TRIO: variants seen among roughly 807,000 people sequenced by gnomAD.
TRIO encodes triple functional domain protein.
TRIO carries 58 observed loss-of-function variants against 351.9 expected under a neutral mutation model. The observed-to-expected ratio is 0.16, with a 90% CI of 0.13 to 0.21. The LOEUF (loss-of-function observed/expected upper bound fraction) is 0.21. Among genes scored for constraint, TRIO ranks in the 10% least tolerant of loss-of-function variants. TRIO has a pLI of 1.00. For synonymous variants in TRIO, 1,758 were observed against 1,595.7 expected (o/e 1.10, Z -2.42); for missense variants, 3,201 against 4,027.8 (o/e 0.79, Z 5.56).
rs924226405 is a variant in TRIO, at chr5:14,293,128, C to T, written c.1170C>T (p.Asn390=). 1 of 1,614,128 alleles carries T rather than the reference C, an allele frequency of 6.2e-7. No individual in the cohort carries two copies. Among genetic ancestry groups the T allele is most frequent in the South Asian group, 1.1e-5 (1 of 91,082 alleles). Residue 390 remains asparagine (N), a synonymous_variant, in exon 6 of 57, where the codon AAC becomes AAT. Transcript: ENST00000344204. ...LQTQHNHFAM[N]CMNVYVNINR... ...CGCAGCACAATCACTTTGCCATGAACTGTATGGTAAGACACTCGGAACAGC... is the reference window on the plus strand; with the variant it reads ...CGCAGCACAATCACTTTGCCATGAATTGTATGGTAAGACACTCGGAACAGC...
chr5:14,488,909 G>T (rs775533896), intron 48 of TRIO: 2 of 757,848 alleles, frequency 2.6e-6, no homozygotes, highest in South Asian at 2.7e-5. Context: ...CCTGCGGCCT[G>T]CTGGGCTCTG....
chr5:14,244,329 G>T (rs1794312747), intron 1 of TRIO, among the ~76,000 whole-genome samples: 1 of 152,186 alleles, frequency 6.6e-6, no homozygotes, highest in South Asian at 2.1e-4. Flanking sequence ...ATTTCTGAAT[G>T]ATGGTTTGGC....
intron 11 of TRIO, among the ~76,000 whole-genome samples, chr5:14,348,798 G>A (rs1255845153): frequency 6.7e-6 from 1 of 148,832 alleles, no homozygotes; most frequent in African/African-American, 2.5e-5. Context: ...GTGTGTGTAC[G>A]CACGTGAGCA....
chr5:14,263,606 A>G (rs1055091153), intron 1 of TRIO, among the ~76,000 whole-genome samples: 1 of 152,218 alleles, frequency 6.6e-6, no homozygotes, highest in Non-Finnish European at 1.5e-5. Flanking sequence ...ACCACTTGAT[A>G]TGATGATCAA....
At chr5:14,210,884 C>T (rs1353496211) in intron 1 of TRIO, among the ~76,000 whole-genome samples, 4 of 152,046 alleles carry the variant, frequency 2.6e-5, no homozygotes, top group African/African-American at 9.7e-5. Flanking sequence ...TCTTGTCCTA[C>T]CCTCCACTCC....
At chr5:14,241,360 G>A (rs1317383452) in intron 1 of TRIO, among the ~76,000 whole-genome samples, 1 of 152,166 alleles carries the variant, frequency 6.6e-6, no homozygotes, top group Admixed American at 6.5e-5. Flanking sequence ...TATGGGTTAG[G>A]CAGAAGCTTC....
intron 1 of TRIO, among the ~76,000 whole-genome samples, chr5:14,258,481 A>G (rs1002911738): frequency 6.6e-6 from 1 of 152,194 alleles, no homozygotes; most frequent in Admixed American, 6.5e-5. Flanking sequence ...TTTTTAGTAG[A>G]TAAGATACTG....
intron 1 of TRIO, among the ~76,000 whole-genome samples, chr5:14,203,538 C>G (rs934806037): frequency 3.9e-5 from 6 of 152,158 alleles, no homozygotes; most frequent in African/African-American, 1.2e-4. Flanking sequence ...AGACAGAGAT[C>G]TTATGTTCAC....
intron 2 of TRIO, among the ~76,000 whole-genome samples, chr5:14,274,134 T>A (rs150795892): frequency 5.9e-5 from 9 of 152,210 alleles, no homozygotes; most frequent in Non-Finnish European, 1.0e-4. Flanking sequence ...AAAAACCCGA[T>A]AGGTATTCAA....
Position 14,504,502 on chromosome 5 carries a change from C to A in TRIO, c.8521C>A (p.Leu2841Ile). 1 of 1,614,170 alleles carries A rather than the reference C, an allele frequency of 6.2e-7. No individual in the cohort carries two copies. Among genetic ancestry groups the A allele is most frequent in the Non-Finnish European group, 8.5e-7 (1 of 1,180,030 alleles). ...GAAGCGCGACCAGGTCACCCATGAGCTTGGCATCCTGCAGAGCCTCCAGCA... is the reference window on the plus strand; with the variant it reads ...GAAGCGCGACCAGGTCACCCATGAGATTGGCATCCTGCAGAGCCTCCAGCA... ...LMKRDQVTHE[L>I]GILQSLQHPL... Residue 2841 changes from leucine (L) to isoleucine (I), a missense_variant, in exon 55 of 57, where the codon CTT (leucine) becomes ATT (isoleucine). By Grantham distance (5) the Leu-to-Ile change is conservative. Transcript: ENST00000344204.
intron 1 of TRIO, among the ~76,000 whole-genome samples, chr5:14,179,422 TA>T (rs1789612694): frequency 1.3e-5 from 2 of 152,110 alleles, no homozygotes; most frequent in Non-Finnish European, 2.9e-5. Flanking sequence ...TCTTCAGTAA[TA>T]TAAATATTTA....
Position 14,276,296 on chromosome 5 carries a change from G to A in TRIO, c.233-4026G>A, listed in dbSNP as rs151116567. On this transcript the variant is annotated intron_variant, in intron 2 of 56. Transcript: ENST00000344204. ...TGGCAGGGACTGACTGAGAGTGCGGGAACTGGCGGGACTTTTCATGCAGGC... is the reference window on the plus strand; with the variant it reads ...TGGCAGGGACTGACTGAGAGTGCGGAAACTGGCGGGACTTTTCATGCAGGC... 2.2e-3 allele frequency among the ~76,000 whole-genome samples: 338 copies of A among 152,304 alleles called. 2 individuals are homozygous for A. The highest frequency in any genetic ancestry group is 4.1e-3 in the South Asian group (20 of 4,822).
intron 1 of TRIO, among the ~76,000 whole-genome samples, chr5:14,200,337 A>G (rs987218077): frequency 6.6e-6 from 1 of 152,138 alleles, no homozygotes; most frequent in African/African-American, 2.4e-5. Flanking sequence ...CCATGATGTA[A>G]GTCCCCCCAG....
At chr5:14,454,844 G>A (rs1302854796) in intron 34 of TRIO, among the ~76,000 whole-genome samples, 1 of 152,206 alleles carries the variant, frequency 6.6e-6, no homozygotes, top group Non-Finnish European at 1.5e-5. Context: ...AAGATGGTGT[G>A]TCCGGAGGTT....
At chr5:14,285,950 AAC>A (rs1327823116) in intron 3 of TRIO, among the ~76,000 whole-genome samples, 1 of 152,214 alleles carries the variant, frequency 6.6e-6, no homozygotes, top group East Asian at 1.9e-4. Context: ...CTGAAGTTGT[AAC>A]CAAGTGCGAC....
chr5:14,497,282 G>T lies in TRIO; in HGVS notation c.8019+265G>T, dbSNP rs1053493701. On this transcript the variant is annotated intron_variant, in intron 50 of 56. Transcript: ENST00000344204. This position sits in a 1 kb window ranked among gnomAD's most constrained non-coding sequence, Gnocchi z 4.4. ...GCTTCTAAAGAATATGGTTAGGTTT[G>T]CAAATGAAGCACAGAGACTAGGTTC... Among the ~76,000 whole-genome samples the T allele has an allele frequency of 5.3e-5, 8 of 152,182 alleles. No homozygotes were observed. The highest frequency in any genetic ancestry group is 1.9e-4 in the African/African-American group (8 of 41,416).
At chr5:14,186,288 AG>A (rs1790106439) in intron 1 of TRIO, among the ~76,000 whole-genome samples, 1 of 152,206 alleles carries the variant, frequency 6.6e-6, no homozygotes, top group African/African-American at 2.4e-5. Context: ...TAGAAATAAA[AG>A]TACCTGGCCT....
intron 11 of TRIO, among the ~76,000 whole-genome samples, chr5:14,354,635 C>A (rs1375430507): frequency 6.6e-6 from 1 of 152,222 alleles, no homozygotes. Flanking sequence ...TTCTGAGGAC[C>A]TTTTTCAGAT....
intron 18 of TRIO, among the ~76,000 whole-genome samples, chr5:14,372,338 GAC>G (rs1046473302): frequency 1.3e-5 from 2 of 152,072 alleles, no homozygotes; most frequent in African/African-American, 4.8e-5. Context: ...TTACTCAGGA[GAC>G]ACATAATGTC....
Sources: gnomAD v4.1 joint callset for allele counts (sites outside exome capture counted in the v4.1 genomes callset) on GRCh38, gnomAD v4.1.1 for gene constraint, Gnocchi (gnomAD v3.1) non-coding constraint, MANE v1.5 for transcripts, NCBI Gene and HGNC (gene_info 2026-07-23, HGNC 2026-07-21) for gene names.